ESRRB: variants seen among roughly 807,000 people sequenced by gnomAD.
The protein encoded by ESRRB is estrogen related receptor beta, also known as steroid hormone receptor ERR2.
ESRRB carries 16 observed loss-of-function variants against 46.0 expected under a neutral mutation model. That is an observed-to-expected ratio of 0.35 (90% confidence interval 0.24 to 0.53). ESRRB has a LOEUF of 0.53. Among genes scored for constraint, ESRRB ranks in the 20% least tolerant of loss-of-function variants. The pLI is 0.93. For synonymous variants in ESRRB, 246 were observed against 259.6 expected, an observed-to-expected ratio of 0.95 and a Z score of 0.50; for missense variants, 488 against 607.4, an observed-to-expected ratio of 0.80 and a Z score of 2.07.
At chr14:76,370,451 T>G (rs1884596252), upstream of ESRRB, among the ~76,000 whole-genome samples, 1 of 152,020 alleles carries the variant, frequency 6.6e-6, no homozygotes, top group South Asian at 2.1e-4. Flanking sequence ...TAATGTAATA[T>G]GTGACACGGA....
Position 76,456,036 on chromosome 14 carries a change from T to TCG in ESRRB, c.461-6507_461-6506dup, listed in dbSNP as rs1204718857. ...CCAGCCTGGGCAACAAGAGCGAAAC[T>TCG]CGCACACACACACACACACACACAC... is the stretch of plus-strand genomic sequence containing the variant. On this transcript the variant is annotated intron_variant, in intron 2 of 6. Coordinates refer to ENST00000644823, the MANE Select transcript of ESRRB (RefSeq NM_001379180.1). Among the ~76,000 whole-genome samples, 690 of 93,106 alleles carry TCG rather than the reference T, an allele frequency of 7.4e-3. 5 individuals carry two copies. The highest frequency in any genetic ancestry group is 0.037 in the African/African-American group (658 of 17,964). The allele number at this position is 93,106 out of a possible 152,430, so 61.1% of individuals were successfully genotyped here.
At chr14:76,433,089 C>T (rs1204574509) in intron 1 of ESRRB, among the ~76,000 whole-genome samples, 1 of 152,112 alleles carries the variant, frequency 6.6e-6, no homozygotes, top group Non-Finnish European at 1.5e-5. Context: ...ATCACAGCTG[C>T]ACCACCAAAA....
At chr14:76,333,050 T>TTA (rs1555389372) in intron 1 of ESRRB, among the ~76,000 whole-genome samples, 7 of 3,832 alleles carry the variant, frequency 1.8e-3, no homozygotes, top group East Asian at 0.062. Context: ...ATATTATATA[T>TTA]TATATATTAT....
At chr14:76,381,145 G>T (rs1205860860) in intron 1 of ESRRB, among the ~76,000 whole-genome samples, 1 of 152,132 alleles carries the variant, frequency 6.6e-6, no homozygotes, top group African/African-American at 2.4e-5. Flanking sequence ...CCCCTGGCAT[G>T]GGTGGGGTGG....
intron 1 of ESRRB, among the ~76,000 whole-genome samples, chr14:76,431,039 G>A (rs987492593): frequency 6.6e-6 from 1 of 152,224 alleles, no homozygotes; most frequent in Non-Finnish European, 1.5e-5. Context: ...GCTCATGCCT[G>A]TAATCCCACA....
Position 76,492,826 on chromosome 14 carries a change from G to A in ESRRB, c.1120+1110G>A, listed in dbSNP as rs114529956. On this transcript the variant is annotated intron_variant, in intron 6 of 6. Transcript: ENST00000644823. ...AGATTATCTGAGGAGAGAGGCAGGC[G>A]TTGGGTAATGCCAGTAAGTGAACTT... is the stretch of plus-strand genomic sequence containing the variant. 3.7e-3 allele frequency among the ~76,000 whole-genome samples: 557 copies of A among 152,322 alleles called. 5 individuals carry two copies. Among genetic ancestry groups the A allele is most frequent in the African/African-American group, 0.013 (522 of 41,564 alleles).
chr14:76,429,820 A>C (rs1887361871), intron 1 of ESRRB, among the ~76,000 whole-genome samples: 1 of 152,154 alleles, frequency 6.6e-6, no homozygotes. Context: ...GGTCAATTTG[A>C]ATTGATGAAA....
intron 3 of ESRRB, among the ~76,000 whole-genome samples, chr14:76,466,176 T>TG (rs1889102153): frequency 6.9e-6 from 1 of 145,810 alleles, no homozygotes; most frequent in Non-Finnish European, 1.5e-5. Flanking sequence ...CTCTGTTGCT[T>TG]GGGGGGCTTT....
intron 2 of ESRRB, among the ~76,000 whole-genome samples, chr14:76,453,161 G>A (rs1204478762): frequency 1.3e-5 from 2 of 152,246 alleles, no homozygotes; most frequent in Non-Finnish European, 2.9e-5. Context: ...AAGCTCTTTA[G>A]AAGGAGAAGG....
intron 1 of ESRRB, among the ~76,000 whole-genome samples, chr14:76,357,766 T>C (rs1171622629): frequency 1.3e-5 from 2 of 152,234 alleles, no homozygotes; most frequent in East Asian, 1.9e-4. Flanking sequence ...TCCTCTCACC[T>C]TGGCCTCCCG....
chr14:76,418,191 G>C (rs10162324), intron 1 of ESRRB, among the ~76,000 whole-genome samples: 38,051 of 151,896 alleles, frequency 0.25, 4,922 homozygotes, highest in African/African-American at 0.31. Flanking sequence ...CTGACCTCAG[G>C]TGATCCACCC....
rs58365602 is a variant in ESRRB, at chr14:76,360,406, G to GGA, written c.2+49501_2+49502dup. 2.9e-3 allele frequency among the ~76,000 whole-genome samples: 442 copies of GGA among 151,098 alleles called. 2 individuals carry two copies. Among genetic ancestry groups the GGA allele is most frequent in the African/African-American group, 0.01 (421 of 41,298 alleles). ...AGGTGAACTGGAAGGAGAGGGAGAG[G>GGA]GAGAGAGAGAGACAGAGAGAGACAG... is the stretch of plus-strand genomic sequence containing the variant. On this transcript the variant is annotated intron_variant, in intron 1 of 6. Transcript: ENST00000512784.
At chr14:76,377,615 G>A (rs1238968452) in intron 1 of ESRRB, among the ~76,000 whole-genome samples, 1 of 152,038 alleles carries the variant, frequency 6.6e-6, no homozygotes, top group African/African-American at 2.4e-5. Context: ...AATTCTCCAA[G>A]TCAGCGTTTC....
At position 76,446,162 on chromosome 14, in the gene ESRRB, G is replaced by A. The variant is rs1413819627; in HGVS notation, c.460+6412G>A. On this transcript the variant is annotated intron_variant, in intron 2 of 6. Transcript: ENST00000644823. ...GTTTGTATATTGTCTATGGCTGCTTGAGCGTTACAACAGCAGAGCTGAGTA... is the reference window on the plus strand; with the variant it reads ...GTTTGTATATTGTCTATGGCTGCTTAAGCGTTACAACAGCAGAGCTGAGTA... 2.6e-5 allele frequency among the ~76,000 whole-genome samples: 4 copies of A among 152,170 alleles called. No homozygotes were observed. The East Asian group carries it at 7.7e-4, about 29-fold the overall frequency.
At chr14:76,353,736 G>A (rs2014645) in intron 1 of ESRRB, among the ~76,000 whole-genome samples, 37,163 of 152,004 alleles carry the variant, frequency 0.24, 4,989 homozygotes, top group East Asian at 0.44. Context: ...AGGATCGCTT[G>A]AGCCCAGGGG....
At chr14:76,380,902 G>A (rs770544437) in intron 1 of ESRRB, among the ~76,000 whole-genome samples, 19 of 152,216 alleles carry the variant, frequency 1.2e-4, no homozygotes, top group Non-Finnish European at 1.6e-4. Flanking sequence ...AATCTGGCCC[G>A]GAATCTTCCT....
intron 1 of ESRRB, among the ~76,000 whole-genome samples, chr14:76,397,918 A>G (rs1373878915): frequency 6.6e-6 from 1 of 152,262 alleles, no homozygotes; most frequent in East Asian, 1.9e-4. Context: ...AAGATACAAC[A>G]GCAGCCAGGG....
At chr14:76,325,510 A>C (rs1460303026) in intron 1 of ESRRB, among the ~76,000 whole-genome samples, 1 of 152,108 alleles carries the variant, frequency 6.6e-6, no homozygotes, top group African/African-American at 2.4e-5. Flanking sequence ...CCACGTTTAG[A>C]GTCCTGGGCC....
At chr14:76,382,308 C>G (rs765342706) in intron 1 of ESRRB, among the ~76,000 whole-genome samples, 1 of 152,208 alleles carries the variant, frequency 6.6e-6, no homozygotes, top group African/African-American at 2.4e-5. Flanking sequence ...CAGGGGCTGC[C>G]GTGCCTTGGG....
Sources: gnomAD v4.1 joint callset for allele counts (sites outside exome capture counted in the v4.1 genomes callset) on GRCh38, gnomAD v4.1.1 for gene constraint, MANE v1.5 for transcripts, NCBI Gene and HGNC (gene_info 2026-07-23, HGNC 2026-07-21) for gene names.